Variants in MET observed in about 807,000 individuals in gnomAD.
The protein encoded by MET is MET proto-oncogene, receptor tyrosine kinase.
In MET, 48 loss-of-function variants were observed where a neutral mutation model predicts 133.1. The ratio of observed to expected loss-of-function variants is 0.36; its 90% CI spans 0.29 to 0.46. The LOEUF is 0.46. Among genes scored for constraint, MET ranks in the 20% least tolerant of loss-of-function variants. The pLI is 1.00. For synonymous variants in MET, 628 were observed against 616.5 expected, an observed-to-expected ratio of 1.02 and a Z score of -0.28; for missense variants, 1,442 against 1,695.9, an observed-to-expected ratio of 0.85 and a Z score of 2.63.
intron 1 of MET, among the ~76,000 whole-genome samples, chr7:116,696,295 G>C (rs973133006): frequency 2.6e-5 from 4 of 152,122 alleles, no homozygotes; most frequent in African/African-American, 9.7e-5. Flanking sequence ...CCAGGGAAGG[G>C]CATCATGTCT....
chr7:116,675,307 A>G (rs1796117810), intron 1 of MET, among the ~76,000 whole-genome samples: 2 of 152,226 alleles, frequency 1.3e-5, no homozygotes, highest in Non-Finnish European at 2.9e-5. Flanking sequence ...GAAGTTTATG[A>G]TCTAGATACA....
chr7:116,730,659 G>A (rs1370427039), intron 2 of MET, among the ~76,000 whole-genome samples: 1 of 152,140 alleles, frequency 6.6e-6, no homozygotes, highest in Non-Finnish European at 1.5e-5. Flanking sequence ...ATTGGTGATG[G>A]ACTGTATATG....
intron 1 of MET, among the ~76,000 whole-genome samples, chr7:116,689,520 T>A (rs1211401785): frequency 1.3e-5 from 2 of 151,122 alleles, no homozygotes; most frequent in Non-Finnish European, 3.0e-5. Flanking sequence ...GCATCCTATA[T>A]CTTTACTTGC....
At chr7:116,722,380 C>T (rs1272868492) in intron 2 of MET, among the ~76,000 whole-genome samples, 2 of 150,266 alleles carry the variant, frequency 1.3e-5, no homozygotes, top group African/African-American at 4.9e-5. Flanking sequence ...TGTGTCTCTG[C>T]ACGTGAGATG....
chr7:116,672,663 GC>G (rs1796017151), intron 1 of MET, 86 bp downstream of exon 1: 2 of 373,556 alleles, frequency 5.4e-6, no homozygotes, highest in Non-Finnish European at 9.5e-6. Context: ...AGACCTGACT[GC>G]TGTTCCAGGG....
rs781686908 is a variant in MET, at chr7:116,774,971, C to G, written c.3119C>G (p.Ser1040Cys). Residue 1040 changes from serine (S) to cysteine (C), a missense_variant, in exon 15 of 21, where the codon TCT becomes TGT. Physicochemically the swap from Ser to Cys is moderately radical, Grantham distance 112. Coordinates refer to ENST00000397752, the MANE Select transcript of MET (RefSeq NM_000245.4). Reference sequence around the variant, plus strand: ...TCCCCCATCCTAACTAGTGGGGACTCTGATATATCCAGTCCATTACTGCAA... The same window carrying G: ...TCCCCCATCCTAACTAGTGGGGACTGTGATATATCCAGTCCATTACTGCAA... Reference protein sequence around the residue: ...DMSPILTSGDSDISSPLLQNT... With the variant: ...DMSPILTSGDCDISSPLLQNT... 6.2e-7 allele frequency: 1 copy of G among 1,614,122 alleles called. No homozygotes were observed. The highest frequency in any genetic ancestry group is 8.5e-7 in the Non-Finnish European group (1 of 1,179,984).
Position 116,698,814 on chromosome 7 carries a change from A to G in MET, c.-14-257A>G, listed in dbSNP as rs1007954344. Among the ~76,000 whole-genome samples, 13 of 152,312 alleles carry G rather than the reference A, an allele frequency of 8.5e-5. No individual in the cohort carries two copies. In the South Asian group the frequency reaches 1.2e-3, roughly 15 times the overall value. On this transcript the variant is annotated intron_variant, in intron 1 of 20. Transcript: ENST00000397752. The stretch of plus-strand genomic sequence containing the variant: ...TAACTTAGTTACTGTATCAACCTTA[A>G]TACAGAACATTGTTTGCATCTCAAT...
chr7:116,728,019 G>A (rs1334221824), intron 2 of MET, among the ~76,000 whole-genome samples: 1 of 152,162 alleles, frequency 6.6e-6, no homozygotes, highest in East Asian at 1.9e-4. Flanking sequence ...CAATCATTGA[G>A]TTTATCAGGA....
rs148456388 is a variant in MET, at chr7:116,744,091, C to T, written c.1701+3066C>T. ...CCATGAAGATGAGGAAAAACCAGCG[C>T]AGAAAGGCTGAAAATTCCAAAAACC... On this transcript the variant is annotated intron_variant, in intron 5 of 20. Transcript: ENST00000397752. 3.4e-3 allele frequency among the ~76,000 whole-genome samples: 515 copies of T among 152,264 alleles called. 3 individuals carry two copies. Among genetic ancestry groups the T allele is most frequent in the African/African-American group, 9.9e-3 (413 of 41,554 alleles).
At chr7:116,716,455 AAAAGAAAGAAAGAGAAAGAAAG>A (rs1792215492) in intron 2 of MET, among the ~76,000 whole-genome samples, 3 of 146,938 alleles carry the variant, frequency 2.0e-5, no homozygotes, top group African/African-American at 2.5e-5. Context: ...AAAGAAAAAG[AAAAGAAAGAAAGAGAAAGAAAG>A]AAAGAAAGAA....
rs1794324801 is a variant in MET, at chr7:116,759,732, G to T, written c.2364+242G>T. 7 of 496,596 alleles carry T rather than the reference G, an allele frequency of 1.4e-5. No individual in the cohort carries two copies. The Admixed American group carries it at 2.1e-4, about 15-fold the overall frequency. The allele number at this position is 496,596 out of a possible 1,614,324, so 30.8% of individuals were successfully genotyped here. ...CATATAATGTTTAGACAAGAATGAA[G>T]ATTACCAATTTGAGACAGTGTTTTT... On this transcript the variant is annotated intron_variant, in intron 10 of 20. Transcript: ENST00000397752.
chr7:116,797,724 A>G lies in MET; in HGVS notation c.*1600A>G. ...TTTAGAAAAGGTATGTCAGACTGGG[A>G]TTAATGACAGCATGATTTTCAATGA... On this transcript the variant is annotated 3_prime_UTR_variant, in exon 21 of 21. Transcript: ENST00000397752. 4.4e-6 allele frequency: 1 copy of G among 228,202 alleles called. No individual in the cohort carries two copies. Among genetic ancestry groups the G allele is most frequent in the Non-Finnish European group, 8.7e-6 (1 of 114,726 alleles). The allele number at this position is 228,202 out of a possible 1,614,324, so 14.1% of individuals were successfully genotyped here.
intron 2 of MET, among the ~76,000 whole-genome samples, chr7:116,718,678 T>C (rs1395064472): frequency 7.5e-6 from 1 of 133,256 alleles, no homozygotes; most frequent in Non-Finnish European, 1.6e-5. Flanking sequence ...GAGTGTGATA[T>C]TCCCCTTCCT....
intron 10 of MET, 70 bp from the exon 11 acceptor site, chr7:116,762,980 A>C (rs1032099049): frequency 4.7e-6 from 6 of 1,280,560 alleles, no homozygotes; most frequent in Non-Finnish European, 6.8e-6. Flanking sequence ...TGGGGTGGTA[A>C]ATTATAAAGT....
intron 16 of MET, 65 bp downstream of exon 16, chr7:116,777,534 T>G (rs1183274203): frequency 1.4e-6 from 2 of 1,427,706 alleles, no homozygotes; most frequent in South Asian, 2.3e-5. Flanking sequence ...AAATAGCTTA[T>G]AATAAAACGT....
chr7:116,784,658 G>T (rs746251950), intron 19 of MET, among the ~76,000 whole-genome samples: 19 of 152,208 alleles, frequency 1.2e-4, no homozygotes, highest in Non-Finnish European at 2.2e-4. Flanking sequence ...CTCCAACCAC[G>T]CCCCTCCCTC....
chr7:116,744,868 CA>C (rs1434197998), intron 5 of MET, among the ~76,000 whole-genome samples: 3 of 152,078 alleles, frequency 2.0e-5, no homozygotes, highest in African/African-American at 4.8e-5. Flanking sequence ...AAGACAGACA[CA>C]AGACAGGGAT....
rs115738760 is a variant in MET at position 116,679,558 on chromosome 7, G to A, written c.-15+6981G>A. Among the ~76,000 whole-genome samples the A allele has an allele frequency of 6.4e-3, 979 of 152,236 alleles. 9 individuals carry two copies. The highest frequency in any genetic ancestry group is 0.023 in the African/African-American group (953 of 41,542). On this transcript the variant is annotated intron_variant, in intron 1 of 20. Coordinates refer to ENST00000397752, the MANE Select transcript of MET (RefSeq NM_000245.4). The stretch of plus-strand genomic sequence containing the variant: ...GACATGCTTACTGATTGAAAGCTAT[G>A]CACAGAAAAAGGGCAGGTCGCTTGT...
At chr7:116,697,508 A>C (rs1422659577) in intron 1 of MET, among the ~76,000 whole-genome samples, 1 of 152,196 alleles carries the variant, frequency 6.6e-6, no homozygotes, top group Non-Finnish European at 1.5e-5. Flanking sequence ...TTCTTAGACT[A>C]TTAGTAGGGT....
Sources: allele counts gnomAD v4.1 joint callset (sites outside exome capture counted in the v4.1 genomes callset), GRCh38; gene constraint gnomAD v4.1.1; transcripts MANE v1.5; gene names NCBI Gene and HGNC (gene_info 2026-07-23, HGNC 2026-07-21).